The following GRHL2 variants were observed in gnomAD, a reference collection of about 807,000 sequenced individuals.
The protein encoded by GRHL2 is grainyhead like transcription factor 2, also known as grainyhead-like protein 2 homolog.
GRHL2 carries 21 observed loss-of-function variants against 83.8 expected under a neutral mutation model. The ratio of observed to expected loss-of-function variants is 0.25; its 90% CI spans 0.18 to 0.36. The LOEUF is 0.36. Among genes scored for constraint, GRHL2 ranks in the 10% least tolerant of loss-of-function variants. The probability of loss-of-function intolerance (pLI) is 1.00; values close to 1 mark genes in which losing one functional copy is unlikely to be tolerated. For missense variants in GRHL2, 623 were observed against 781.8 expected, an observed-to-expected ratio of 0.80 and a Z score of 2.42; for synonymous variants, 280 against 278.9, an observed-to-expected ratio of 1.00 and a Z score of -0.04.
At chr8:101,582,052 A>G (rs1812063990) in intron 7 of GRHL2, among the ~76,000 whole-genome samples, 1 of 152,190 alleles carries the variant, frequency 6.6e-6, no homozygotes, top group South Asian at 2.1e-4. Flanking sequence ...AGCCTGGCCA[A>G]CATGGTGAAA....
At chr8:101,638,315 C>T (rs984193790) in intron 12 of GRHL2, among the ~76,000 whole-genome samples, 4 of 152,172 alleles carry the variant, frequency 2.6e-5, no homozygotes, top group Admixed American at 6.5e-5. Context: ...TCAGGCCCAC[C>T]GCCTATTTTA....
the GRHL2 span, among the ~76,000 whole-genome samples, chr8:101,680,667 T>C: frequency 7.9e-6 from 1 of 127,196 alleles, no homozygotes; most frequent in Non-Finnish European, 1.6e-5. Flanking sequence ...ATTGACCACA[T>C]ACTTGGAAGT....
chr8:101,577,284 G>A, intron 6 of GRHL2, 124 bp from the exon 7 acceptor site: 1 of 715,364 alleles, frequency 1.4e-6, no homozygotes, highest in Non-Finnish European at 2.5e-6. Flanking sequence ...AGCTTGTCTG[G>A]GCTTTTCTAA....
chr8:101,645,376 C>T (rs1000008418), intron 13 of GRHL2, among the ~76,000 whole-genome samples: 2 of 152,148 alleles, frequency 1.3e-5, no homozygotes, highest in African/African-American at 4.8e-5. Context: ...TGTGATCCGG[C>T]CGCCTTGGCC....
intron 8 of GRHL2, among the ~76,000 whole-genome samples, chr8:101,610,844 G>C (rs1404486254): frequency 6.6e-6 from 1 of 150,906 alleles, no homozygotes; most frequent in South Asian, 2.1e-4. Flanking sequence ...CAAGAGACAA[G>C]GGTTGGTGGA....
intron 1 of GRHL2, among the ~76,000 whole-genome samples, chr8:101,517,724 CATGTCCGTTTGCAGTCATTTG>C (rs71869604): frequency 0.075 from 11,411 of 152,240 alleles, 549 homozygotes; most frequent in East Asian, 0.12. Flanking sequence ...TTCAGACTTT[CATGTCCGTTTGCAGTCATTTG>C]ATGCAAGCAT....
At chr8:101,586,232 G>A (rs1202347101) in intron 7 of GRHL2, among the ~76,000 whole-genome samples, 1 of 151,862 alleles carries the variant, frequency 6.6e-6, no homozygotes, top group Non-Finnish European at 1.5e-5. Context: ...GGCACCTCAT[G>A]TTTCTTAAAA....
At chr8:101,525,107 T>C (rs946209008) in intron 1 of GRHL2, among the ~76,000 whole-genome samples, 1 of 152,172 alleles carries the variant, frequency 6.6e-6, no homozygotes, top group Non-Finnish European at 1.5e-5. Flanking sequence ...CAGGCCCAGC[T>C]AATTTTTGTA....
intron 11 of GRHL2, among the ~76,000 whole-genome samples, chr8:101,634,091 G>A (rs1813237664): frequency 6.6e-6 from 1 of 152,210 alleles, no homozygotes; most frequent in African/African-American, 2.4e-5. Flanking sequence ...AGACTTTTCA[G>A]TCTGTTGGTT....
At chr8:101,671,704 C>T (rs985548095), downstream of GRHL2, among the ~76,000 whole-genome samples, 21 of 152,160 alleles carry the variant, frequency 1.4e-4, no homozygotes, top group East Asian at 7.7e-4. Context: ...TCTCCCAGCA[C>T]GCAGCTGGAG....
intron 8 of GRHL2, among the ~76,000 whole-genome samples, chr8:101,618,821 C>T (rs1294521346): frequency 6.6e-6 from 1 of 151,340 alleles, no homozygotes; most frequent in African/African-American, 2.4e-5. Flanking sequence ...CAATAATGTG[C>T]AAAGGAAGGT....
At chr8:101,509,107 CTCCTTCCTTCCT>C (rs4002326) in intron 1 of GRHL2, among the ~76,000 whole-genome samples, 2,929 of 94,608 alleles carry the variant, frequency 0.031, 350 homozygotes, top group African/African-American at 0.12. Context: ...CTTTCTTTCT[CTCCTTCCTTCCT>C]TCCTTCCTTC....
intron 6 of GRHL2, among the ~76,000 whole-genome samples, chr8:101,576,002 C>G (rs928886037): frequency 7.2e-5 from 11 of 152,172 alleles, no homozygotes; most frequent in African/African-American, 2.7e-4. Flanking sequence ...TTTACACATA[C>G]TTTAGGCAAG....
chr8:101,573,563 T>TAA (rs1046231055), intron 5 of GRHL2, 105 bp from the exon 6 acceptor site: 2 of 1,396,262 alleles, frequency 1.4e-6, no homozygotes, highest in African/African-American at 2.8e-5. Context: ...TCTAAAACAG[T>TAA]AAACATTGGT....
chr8:101,498,286 T>C (rs1292421324), intron 1 of GRHL2, among the ~76,000 whole-genome samples: 1 of 152,034 alleles, frequency 6.6e-6, no homozygotes, highest in Non-Finnish European at 1.5e-5. Flanking sequence ...GCTCGGCTGA[T>C]TTTTTGTATT....
At chr8:101,597,672 G>T (rs1812418733) in intron 7 of GRHL2, among the ~76,000 whole-genome samples, 1 of 147,918 alleles carries the variant, frequency 6.8e-6, no homozygotes. Flanking sequence ...ACACATCCGG[G>T]TCTGTTGTGG....
intron 8 of GRHL2, among the ~76,000 whole-genome samples, chr8:101,607,685 A>G (rs993435654): frequency 1.3e-5 from 2 of 152,306 alleles, no homozygotes; most frequent in African/African-American, 4.8e-5. Context: ...TGAATTGCAC[A>G]CTGCAAAGCA....
intron 7 of GRHL2, among the ~76,000 whole-genome samples, chr8:101,594,069 CAAAAAAAAAAAAAAAAA>C (rs534396520): frequency 2.0e-5 from 1 of 49,082 alleles, no homozygotes; most frequent in Non-Finnish European, 3.4e-5. Flanking sequence ...GAGTCTGTAT[CAAAAAAAAAAAAAAAAA>C]AAAAAAAAAA....
intron 4 of GRHL2, among the ~76,000 whole-genome samples, chr8:101,569,197 G>A (rs994000653): frequency 6.6e-6 from 1 of 152,134 alleles, no homozygotes; most frequent in African/African-American, 2.4e-5. Flanking sequence ...AAGAATTAGG[G>A]CTTTTGGTCG....
Sources: allele counts gnomAD v4.1 joint callset (sites outside exome capture counted in the v4.1 genomes callset), GRCh38; gene constraint gnomAD v4.1.1; transcripts MANE v1.5; gene names NCBI Gene and HGNC (gene_info 2026-07-23, HGNC 2026-07-21).